CSTPP1: variants seen among roughly 807,000 people sequenced by gnomAD.
CSTPP1 encodes UPF0705 protein C11orf49.
the CSTPP1 span, chr11:47,159,958 C>T: frequency 2.5e-5 from 8 of 320,532 alleles, no homozygotes; most frequent in Admixed American, 4.3e-5. Flanking sequence ...GAGCCAAGAT[C>T]GCATCATTGC....
At chr11:47,083,275 A>G in the CSTPP1 span, among the ~76,000 whole-genome samples, 4 of 152,302 alleles carry the variant, frequency 2.6e-5, no homozygotes, top group South Asian at 2.1e-4. Context: ...TGTAACATGT[A>G]TCAGTACTTT....
At chr11:47,136,284 G>A in the CSTPP1 span, among the ~76,000 whole-genome samples, 800 of 152,116 alleles carry the variant, frequency 5.3e-3, 11 homozygotes, top group African/African-American at 0.018. Flanking sequence ...CCTTCCCTTC[G>A]CCTTTTTCCT....
chr11:47,099,212 T>C, the CSTPP1 span, among the ~76,000 whole-genome samples: 1 of 152,200 alleles, frequency 6.6e-6, no homozygotes, highest in African/African-American at 2.4e-5. Context: ...CATACAACTA[T>C]TCATTGAGCA....
the CSTPP1 span, among the ~76,000 whole-genome samples, chr11:47,047,439 C>T: frequency 6.6e-6 from 1 of 152,108 alleles, no homozygotes; most frequent in Non-Finnish European, 1.5e-5. Flanking sequence ...TAAATCTTTA[C>T]ATATATGGTC....
chr11:46,938,948 T>C, the CSTPP1 span, among the ~76,000 whole-genome samples: 24 of 151,846 alleles, frequency 1.6e-4, no homozygotes, highest in Non-Finnish European at 5.9e-5. Flanking sequence ...GGTTAATTTT[T>C]TAATTTTTTG....
the CSTPP1 span, chr11:47,161,392 G>A: frequency 6.3e-7 from 1 of 1,599,984 alleles, no homozygotes; most frequent in Non-Finnish European, 8.5e-7. Context: ...CTAGTGTTAA[G>A]AGTGGGCATG....
the CSTPP1 span, among the ~76,000 whole-genome samples, chr11:47,070,626 T>G: frequency 2.0e-5 from 3 of 152,202 alleles, no homozygotes; most frequent in African/African-American, 7.2e-5. Context: ...TACTGTTGCC[T>G]AGGTCCCTCC....
the CSTPP1 span, among the ~76,000 whole-genome samples, chr11:47,163,320 A>G: frequency 6.6e-6 from 1 of 152,332 alleles, no homozygotes; most frequent in African/African-American, 2.4e-5. Flanking sequence ...ACCAAGCTCC[A>G]GAGAGTCTAA....
chr11:46,990,602 TC>T, the CSTPP1 span, among the ~76,000 whole-genome samples: 1 of 152,220 alleles, frequency 6.6e-6, no homozygotes, highest in African/African-American at 2.4e-5. Context: ...ATTGATAGTT[TC>T]TTTTGCTGTG....
the CSTPP1 span, among the ~76,000 whole-genome samples, chr11:47,025,304 G>A: frequency 2.6e-5 from 4 of 152,112 alleles, no homozygotes; most frequent in South Asian, 4.1e-4. Context: ...TGGAAATAAC[G>A]GTAGTAAAGT....
At chr11:47,162,273 GA>G in the CSTPP1 span, 1 of 985,102 alleles carries the variant, frequency 1.0e-6, no homozygotes, top group African/African-American at 1.7e-5. Flanking sequence ...CTCCTAGGCT[GA>G]GGGGAGAAGG....
chr11:47,145,815 G>A, the CSTPP1 span, among the ~76,000 whole-genome samples: 1 of 152,142 alleles, frequency 6.6e-6, no homozygotes, highest in East Asian at 1.9e-4. Context: ...ATTTTGTAGA[G>A]ATGGGGGCAG....
At chr11:47,042,453 A>G in the CSTPP1 span, among the ~76,000 whole-genome samples, 1 of 150,914 alleles carries the variant, frequency 6.6e-6, no homozygotes, top group African/African-American at 2.4e-5. Context: ...ATGTACTTAT[A>G]TGTCTGTGTG....
chr11:46,973,280 C>T, the CSTPP1 span, among the ~76,000 whole-genome samples: 1 of 152,120 alleles, frequency 6.6e-6, no homozygotes, highest in Non-Finnish European at 1.5e-5. Flanking sequence ...GAGCCCTCTC[C>T]TTGGTTGATT....
the CSTPP1 span, among the ~76,000 whole-genome samples, chr11:46,944,627 T>G: frequency 6.6e-6 from 1 of 152,154 alleles, no homozygotes; most frequent in Non-Finnish European, 1.5e-5. Flanking sequence ...GATGTTTTAC[T>G]CCTCTAGTGG....
At chr11:47,042,737 T>C in the CSTPP1 span, among the ~76,000 whole-genome samples, 1 of 152,188 alleles carries the variant, frequency 6.6e-6, no homozygotes, top group South Asian at 2.1e-4. Flanking sequence ...TGTACTTCTG[T>C]ATGGCCTTTA....
the CSTPP1 span, among the ~76,000 whole-genome samples, chr11:47,030,918 A>G: frequency 6.6e-6 from 1 of 152,190 alleles, no homozygotes; most frequent in Non-Finnish European, 1.5e-5. Context: ...CATCCCGTCT[A>G]TCACTGATGG....
the CSTPP1 span, among the ~76,000 whole-genome samples, chr11:47,074,403 G>A: frequency 6.6e-6 from 1 of 151,918 alleles, no homozygotes; most frequent in Non-Finnish European, 1.5e-5. Flanking sequence ...GGGAGGCTGA[G>A]GTGGGAAGAT....
At chr11:47,017,053 G>C in the CSTPP1 span, among the ~76,000 whole-genome samples, 8 of 148,536 alleles carry the variant, frequency 5.4e-5, no homozygotes, top group African/African-American at 2.0e-4. Context: ...AGTTTTCACC[G>C]TGTTAGCCAG....
Sources: allele counts gnomAD v4.1 joint callset (sites outside exome capture counted in the v4.1 genomes callset), GRCh38; gene constraint gnomAD v4.1.1; transcripts MANE v1.5; gene names NCBI Gene and HGNC (gene_info 2026-07-23, HGNC 2026-07-21).